The following COG6 variants were observed in gnomAD, a reference collection of about 807,000 sequenced individuals.
The protein encoded by COG6 is component of oligomeric golgi complex 6.
COG6 carries 74 observed loss-of-function variants against 88.8 expected under a neutral mutation model. The observed-to-expected ratio is 0.83, with a 90% CI of 0.69 to 1.01. The LOEUF is 1.01. Ranked by LOEUF, COG6 falls within the 50% of genes least tolerant of loss-of-function variation. COG6 has a pLI of 0.00. For synonymous variants in COG6, 286 were observed against 278.7 expected (o/e 1.03, Z -0.26); for missense variants, 800 against 797.9 (o/e 1.00, Z -0.03).
intron 18 of COG6, among the ~76,000 whole-genome samples, chr13:39,766,007 G>A (rs1314891387): frequency 6.6e-6 from 1 of 152,204 alleles, no homozygotes; most frequent in East Asian, 1.9e-4. Context: ...ACTTACCAGA[G>A]GGTGGCACTC....
intron 17 of COG6, among the ~76,000 whole-genome samples, chr13:39,725,743 T>C (rs74044155): frequency 0.012 from 1,806 of 151,910 alleles, 30 homozygotes; most frequent in African/African-American, 0.041. Flanking sequence ...AAATTCGATA[T>C]TAAAAAGTTT....
chr13:39,786,069 AC>A (rs1881764096), intron 18 of COG6, among the ~76,000 whole-genome samples: 1 of 152,212 alleles, frequency 6.6e-6, no homozygotes, highest in South Asian at 2.1e-4. Context: ...CTGCACTCCA[AC>A]AGCAGGAAAC....
chr13:39,693,816 A>T (rs183599907), intron 11 of COG6, among the ~76,000 whole-genome samples: 1 of 152,076 alleles, frequency 6.6e-6, no homozygotes, highest in East Asian at 1.9e-4. Context: ...CATATATTAA[A>T]CATCTGTTGT....
chr13:39,699,571 A>C lies in COG6; in HGVS notation c.1237A>C (p.Ile413Leu). The C allele has an allele frequency of 1.3e-6, 2 of 1,581,306 alleles. No homozygotes were observed. Among genetic ancestry groups the C allele is most frequent in the Non-Finnish European group, 1.7e-6 (2 of 1,151,088 alleles). Residue 413 changes from isoleucine to leucine, a missense_variant, in exon 13 of 19, where the codon ATA becomes CTA. Transcript: ENST00000455146. ...AGAAATGCATTTGCTAAGCAAAAAA[A>C]TATTCTTCAATAGCTTGAGTCTTCA... ...IEEMHLLSKK[I>L]FFNSLSLHAS...
chr13:39,700,921 G>T (rs1033952889), intron 13 of COG6, among the ~76,000 whole-genome samples: 1 of 151,866 alleles, frequency 6.6e-6, no homozygotes, highest in Non-Finnish European at 1.5e-5. Flanking sequence ...GGAGTGCATA[G>T]AGGTCATCTT....
At chr13:39,712,483 A>G (rs1231395610) in intron 13 of COG6, among the ~76,000 whole-genome samples, 1 of 152,224 alleles carries the variant, frequency 6.6e-6, no homozygotes, top group East Asian at 1.9e-4. Flanking sequence ...ACTATGCTGC[A>G]GGAACATAAA....
intron 4 of COG6, among the ~76,000 whole-genome samples, chr13:39,674,629 T>C (rs1206035841): frequency 2.0e-5 from 3 of 152,200 alleles, no homozygotes; most frequent in African/African-American, 7.2e-5. Context: ...CCATTACTTA[T>C]GGTCAACTGC....
chr13:39,690,538 G>C (rs916792975), intron 11 of COG6, among the ~76,000 whole-genome samples: 3 of 151,792 alleles, frequency 2.0e-5, no homozygotes, highest in Non-Finnish European at 4.4e-5. Flanking sequence ...GCAATTGTTG[G>C]TTTACTTTTC....
intron 7 of COG6, among the ~76,000 whole-genome samples, 174 bp from the exon 8 acceptor site, chr13:39,681,997 T>G (rs1382700438): frequency 6.6e-6 from 1 of 152,264 alleles, no homozygotes; most frequent in Non-Finnish European, 1.5e-5. Flanking sequence ...TAAGCTTAAC[T>G]TTTTAGTTTG....
At chr13:39,747,730 TGTTA>T (rs1880417097) in intron 18 of COG6, among the ~76,000 whole-genome samples, 2 of 152,192 alleles carry the variant, frequency 1.3e-5, no homozygotes, top group Admixed American at 1.3e-4. Context: ...TCAGCTGTAT[TGTTA>T]GTTACAGACA....
At position 39,751,248 on chromosome 13, in the gene COG6, G is replaced by A; in HGVS notation, c.*155G>A. The A allele has an allele frequency of 6.6e-7, 1 of 1,510,804 alleles. No individual in the cohort carries two copies. Among genetic ancestry groups the A allele is most frequent in the Non-Finnish European group, 8.8e-7 (1 of 1,133,496 alleles). 93.6% of individuals were successfully genotyped at this position (1,510,804 alleles called of 1,614,324 possible). ...GATAATTTTTTTTTTTTTGGTCTCA[G>A]TAACAGGGAAGTAAGTAACATGTTG... On this transcript the variant is annotated 3_prime_UTR_variant, in exon 19 of 19. Transcript: ENST00000455146.
chr13:39,759,509 AGTTAAATATGCT>A (rs1880947842), intron 18 of COG6, among the ~76,000 whole-genome samples: 2 of 152,304 alleles, frequency 1.3e-5, no homozygotes, highest in African/African-American at 2.4e-5. Flanking sequence ...TTCCTAATTT[AGTTAAATATGCT>A]GTTTAGAATA....
At chr13:39,733,438 C>T (rs1269686975) in intron 18 of COG6, among the ~76,000 whole-genome samples, 1 of 152,036 alleles carries the variant, frequency 6.6e-6, no homozygotes, top group Admixed American at 6.5e-5. Context: ...ATCTGCCCAC[C>T]TCGTCCTCCC....
At chr13:39,781,931 C>A (rs2138188930) in intron 18 of COG6, among the ~76,000 whole-genome samples, 1 of 152,260 alleles carries the variant, frequency 6.6e-6, no homozygotes, top group Admixed American at 6.5e-5. Context: ...TTATAATTTT[C>A]TTTCTAATTT....
rs148124509 is a variant in COG6, at chr13:39,660,195, T to G, written c.298-615T>G. On this transcript the variant is annotated intron_variant, in intron 2 of 18. Coordinates refer to ENST00000455146, the MANE Select transcript of COG6 (RefSeq NM_020751.3). ...TTGGAAAGGATTTTTTTAAAAAAAA[T>G]TACATTAGAGATGGACTCTTGCTAT... 8.7e-4 allele frequency among the ~76,000 whole-genome samples: 133 copies of G among 152,234 alleles called. No homozygotes were observed. The East Asian group carries it at 0.01, about 12-fold the overall frequency.
At chr13:39,710,781 C>CT (rs1240152129) in intron 13 of COG6, among the ~76,000 whole-genome samples, 2 of 151,382 alleles carry the variant, frequency 1.3e-5, no homozygotes, top group East Asian at 3.9e-4. Flanking sequence ...CATACAAACT[C>CT]TAAGTTCTTT....
chr13:39,679,868 G>A (rs1352689587), intron 6 of COG6, 107 bp from the exon 7 acceptor site: 3 of 703,132 alleles, frequency 4.3e-6, no homozygotes, highest in Non-Finnish European at 7.5e-6. Flanking sequence ...CCCATAAAAT[G>A]ATAAAAAGTT....
At chr13:39,747,377 TG>T (rs1880401401) in intron 18 of COG6, among the ~76,000 whole-genome samples, 1 of 152,326 alleles carries the variant, frequency 6.6e-6, no homozygotes, top group African/African-American at 2.4e-5. Flanking sequence ...ATTTCTATCC[TG>T]TTGGCTTTAG....
At chr13:39,781,112 T>C (rs1301010789) in intron 18 of COG6, among the ~76,000 whole-genome samples, 1 of 152,166 alleles carries the variant, frequency 6.6e-6, no homozygotes, top group Non-Finnish European at 1.5e-5. Flanking sequence ...AGATGTTTCC[T>C]ATTCACTGTG....
Sources: gnomAD v4.1 joint callset for allele counts (sites outside exome capture counted in the v4.1 genomes callset) on GRCh38, gnomAD v4.1.1 for gene constraint, MANE v1.5 for transcripts, NCBI Gene and HGNC (gene_info 2026-07-23, HGNC 2026-07-21) for gene names.